SCAPER: variants seen among roughly 807,000 people sequenced by gnomAD.
The protein encoded by SCAPER is S phase cyclin A-associated protein in the endoplasmic reticulum.
In SCAPER, 98 loss-of-function variants were observed where a neutral mutation model predicts 182.2. The observed-to-expected ratio is 0.54, with a 90% confidence interval of 0.46 to 0.64. SCAPER has a LOEUF of 0.64. Among genes scored for constraint, SCAPER ranks in the 30% least tolerant of loss-of-function variants. SCAPER has a pLI of 0.00. For synonymous variants in SCAPER, 605 were observed against 564.6 expected (o/e 1.07, Z -1.01); for missense variants, 1,432 against 1,690.0 (o/e 0.85, Z 2.68).
Position 76,697,651 on chromosome 15 carries a change from T to A in SCAPER, c.2508+4107A>T, listed in dbSNP as rs988199825. The stretch of plus-strand genomic sequence containing the variant: ...TAATGGAAATTAATTACAAATAATT[T>A]TTTTTGAGATCGAGTCTCACTCTTG... On this transcript the variant is annotated intron_variant, in intron 20 of 31. Coordinates refer to ENST00000563290, the MANE Select transcript of SCAPER (RefSeq NM_020843.4). 1.2e-4 allele frequency among the ~76,000 whole-genome samples: 19 copies of A among 152,302 alleles called. No individual in the cohort carries two copies. In the East Asian group the frequency reaches 3.7e-3, roughly 29 times the overall value.
At chr15:76,679,588 T>C (rs1006828313) in intron 20 of SCAPER, among the ~76,000 whole-genome samples, 7 of 152,240 alleles carry the variant, frequency 4.6e-5, no homozygotes, top group African/African-American at 1.7e-4. Context: ...TTTTATCAGT[T>C]ACAATTTATT....
At chr15:76,712,713 G>A (rs280002) in intron 17 of SCAPER, among the ~76,000 whole-genome samples, 23,192 of 151,802 alleles carry the variant, frequency 0.15, 1,975 homozygotes, top group African/African-American at 0.24. Flanking sequence ...GTGAATGGGA[G>A]TTCACTCATG....
rs1218018802 is a variant in SCAPER at position 76,749,126 on chromosome 15, T to C, written c.1866+4682A>G. On this transcript the variant is annotated intron_variant, in intron 15 of 31. Transcript: ENST00000563290. ...CAAAAATTCCTAAAATTTTAGCAAATCAAATTCACCAATACACAAAAATGA... is the reference window on the plus strand; with the variant it reads ...CAAAAATTCCTAAAATTTTAGCAAACCAAATTCACCAATACACAAAAATGA... Among the ~76,000 whole-genome samples, 4 of 151,872 alleles carry C rather than the reference T, an allele frequency of 2.6e-5. No homozygotes were observed. In the East Asian group the frequency reaches 7.7e-4, roughly 29 times the overall value.
intron 22 of SCAPER, among the ~76,000 whole-genome samples, chr15:76,617,460 A>G (rs1169937711): frequency 6.6e-6 from 1 of 152,122 alleles, no homozygotes; most frequent in African/African-American, 2.4e-5. Flanking sequence ...ACAACTATCT[A>G]TTTGCTCCCT....
intron 25 of SCAPER, 109 bp downstream of exon 25, chr15:76,471,103 T>TC: frequency 1.2e-6 from 1 of 828,448 alleles, no homozygotes; most frequent in Non-Finnish European, 1.6e-6. Context: ...TTCTTCTTTT[T>TC]TTTTTTTTTC....
At chr15:76,697,276 T>C (rs1232945876) in intron 20 of SCAPER, among the ~76,000 whole-genome samples, 1 of 152,170 alleles carries the variant, frequency 6.6e-6, no homozygotes, top group Non-Finnish European at 1.5e-5. Context: ...ATTCATATGC[T>C]ATATTATACA....
chr15:76,898,832 G>A (rs1338147673), intron 1 of SCAPER, among the ~76,000 whole-genome samples: 1 of 152,162 alleles, frequency 6.6e-6, no homozygotes, highest in East Asian at 1.9e-4. Context: ...TTCTAAACTT[G>A]ATTGTGGTAA....
intron 21 of SCAPER, among the ~76,000 whole-genome samples, chr15:76,649,352 C>A (rs1304253946): frequency 1.3e-5 from 2 of 151,942 alleles, no homozygotes; most frequent in African/African-American, 4.8e-5. Context: ...ATCACTTGAG[C>A]CTGAGAAGTT....
chr15:76,666,943 C>T (rs1347035628), intron 20 of SCAPER, among the ~76,000 whole-genome samples: 1 of 152,150 alleles, frequency 6.6e-6, no homozygotes. Flanking sequence ...CCTTGTCTCG[C>T]ATTTTTATGG....
intron 21 of SCAPER, among the ~76,000 whole-genome samples, chr15:76,637,818 C>T (rs1472096996): frequency 1.4e-5 from 2 of 142,228 alleles, no homozygotes; most frequent in Non-Finnish European, 1.5e-5. Flanking sequence ...ATATATTCCA[C>T]CCATCCTAGT....
Position 76,810,303 on chromosome 15 carries a change from T to C in SCAPER, c.394-5670A>G, listed in dbSNP as rs2066493902. On this transcript the variant is annotated intron_variant, in intron 5 of 31. Transcript: ENST00000563290. ...AACAATTATAACTAAATTTAAATTA[T>C]GTTAATGGGCACAATATAAATAATT... Among the ~76,000 whole-genome samples the C allele has an allele frequency of 3.3e-5, 5 of 152,060 alleles. No homozygotes were observed. In the South Asian group the frequency reaches 1.0e-3, roughly 32 times the overall value.
intron 23 of SCAPER, among the ~76,000 whole-genome samples, chr15:76,528,919 C>T (rs770580567): frequency 3.9e-5 from 6 of 152,214 alleles, no homozygotes; most frequent in Non-Finnish European, 7.3e-5. Context: ...TTCTCTGGGT[C>T]TTAGCAAGTG....
In SCAPER at chr15:76,775,115, G is replaced by A. The variant is rs371390431; in HGVS notation, c.775C>T (p.Arg259Trp). The A allele has an allele frequency of 1.3e-5, 20 of 1,591,226 alleles. No individual in the cohort carries two copies. Among genetic ancestry groups the A allele is most frequent in the African/African-American group, 9.5e-5 (7 of 73,846 alleles). ...GTCTCCCATCCTTCAGCATCTTTCCGTTCTATGCAATTAAAGTAAAAAACA... is the reference window on the plus strand; with the variant it reads ...GTCTCCCATCCTTCAGCATCTTTCCATTCTATGCAATTAAAGTAAAAAACA... ...TVQKASRKNERKDAEGWETVQ... is the reference protein window; with the variant it reads ...TVQKASRKNEWKDAEGWETVQ... Residue 259 changes from arginine (R) to tryptophan (W), a missense_variant and splice_region_variant, in exon 9 of 32, where the codon CGG (arginine) becomes TGG (tryptophan). Around this residue, in one of 5 missense-constraint regions of SCAPER, gnomAD observed 480 missense variants for 510.2 expected, o/e 0.94. Coordinates refer to ENST00000563290, the MANE Select transcript of SCAPER (RefSeq NM_020843.4).
intron 23 of SCAPER, among the ~76,000 whole-genome samples, chr15:76,532,909 T>C (rs963865415): frequency 1.2e-4 from 18 of 152,240 alleles, no homozygotes; most frequent in African/African-American, 4.3e-4. Context: ...AGGAGAAAGA[T>C]ATCCTCAAAT....
intron 26 of SCAPER, among the ~76,000 whole-genome samples, chr15:76,423,477 A>AT (rs2046197972): frequency 6.6e-6 from 1 of 152,068 alleles, no homozygotes; most frequent in Non-Finnish European, 1.5e-5. Flanking sequence ...CCCGTTCATC[A>AT]TTTTTTATTG....
At chr15:76,420,868 G>C (rs1477033850) in intron 26 of SCAPER, among the ~76,000 whole-genome samples, 1 of 152,158 alleles carries the variant, frequency 6.6e-6, no homozygotes, top group African/African-American at 2.4e-5. Context: ...AGAACATGCG[G>C]TGTTTGGTTT....
At chr15:76,583,127 C>T (rs758289919) in intron 22 of SCAPER, among the ~76,000 whole-genome samples, 1 of 151,924 alleles carries the variant, frequency 6.6e-6, no homozygotes, top group African/African-American at 2.4e-5. Context: ...CTAAGGTGGG[C>T]GGATCACGAG....
At chr15:76,427,064 A>C (rs1422656189) in intron 26 of SCAPER, among the ~76,000 whole-genome samples, 1 of 152,212 alleles carries the variant, frequency 6.6e-6, no homozygotes, top group Non-Finnish European at 1.5e-5. Context: ...TACAAAAACC[A>C]ACTCAAAATA....
intron 5 of SCAPER, among the ~76,000 whole-genome samples, chr15:76,810,920 T>C (rs1598859154): frequency 6.6e-6 from 1 of 152,012 alleles, no homozygotes; most frequent in Middle Eastern, 3.4e-3. Flanking sequence ...GAAAAAACTG[T>C]CTCCAGAGAA....
Sources: gnomAD v4.1 joint callset for allele counts (sites outside exome capture counted in the v4.1 genomes callset) on GRCh38, gnomAD v4.1.1 for gene constraint, gnomAD v4.1.1 regional missense constraint, MANE v1.5 for transcripts, NCBI Gene and HGNC (gene_info 2026-07-23, HGNC 2026-07-21) for gene names.